NALF1: variants seen among roughly 807,000 people sequenced by gnomAD.
NALF1 encodes family with sequence similarity 155 member A.
Under a neutral mutation model 48.4 loss-of-function variants are expected in NALF1, and 3 were observed. The observed-to-expected ratio is 0.06, with a 90% CI of 0.03 to 0.16. The LOEUF (loss-of-function observed/expected upper bound fraction) is 0.16, where lower values mean the gene tolerates loss of function less well. Ranked by LOEUF, NALF1 falls within the 10% of genes least tolerant of loss-of-function variation. NALF1 has a pLI of 1.00. For synonymous variants in NALF1, 262 were observed against 245.7 expected (o/e 1.07, Z -0.62); for missense variants, 526 against 571.5 (o/e 0.92, Z 0.81).
intron 1 of NALF1, among the ~76,000 whole-genome samples, chr13:107,530,479 T>C (rs1188017855): frequency 3.9e-5 from 6 of 152,092 alleles, no homozygotes; most frequent in African/African-American, 1.4e-4. Context: ...AAGCAAAATC[T>C]AAGACATTCC....
At chr13:107,623,737 G>C (rs1879594339) in intron 1 of NALF1, among the ~76,000 whole-genome samples, 2 of 152,136 alleles carry the variant, frequency 1.3e-5, no homozygotes, top group Admixed American at 1.3e-4. Context: ...AAAATGGTCA[G>C]TTCATGTATA....
At chr13:107,778,411 G>A (rs549385664) in intron 1 of NALF1, among the ~76,000 whole-genome samples, 95 of 152,242 alleles carry the variant, frequency 6.2e-4, no homozygotes, top group African/African-American at 2.2e-3. Flanking sequence ...TAAAGCAACT[G>A]GGAATATTGA....
intron 1 of NALF1, among the ~76,000 whole-genome samples, chr13:107,601,316 A>G (rs1878919530): frequency 6.6e-6 from 1 of 152,140 alleles, no homozygotes; most frequent in Non-Finnish European, 1.5e-5. Context: ...TTAAACGCAA[A>G]TTTGGGAACT....
intron 1 of NALF1, among the ~76,000 whole-genome samples, chr13:107,767,418 C>A (rs1014690712): frequency 6.6e-6 from 1 of 152,162 alleles, no homozygotes. Flanking sequence ...GTTGCAGTAA[C>A]TGGTTATTCA....
intron 1 of NALF1, among the ~76,000 whole-genome samples, chr13:107,838,975 T>A (rs2138633472): frequency 6.6e-6 from 1 of 152,238 alleles, no homozygotes; most frequent in Admixed American, 6.5e-5. Flanking sequence ...TGCTTCCCCC[T>A]CACCTGCAGG....
intron 1 of NALF1, among the ~76,000 whole-genome samples, chr13:107,650,745 T>G (rs1490227701): frequency 1.3e-5 from 2 of 151,864 alleles, no homozygotes; most frequent in Non-Finnish European, 2.9e-5. Flanking sequence ...AAATAAAAAA[T>G]AAAGAAAGAG....
intron 1 of NALF1, among the ~76,000 whole-genome samples, chr13:107,444,523 A>C (rs1268606805): frequency 1.3e-5 from 2 of 152,186 alleles, no homozygotes; most frequent in Non-Finnish European, 2.9e-5. Context: ...AATGCAAAAA[A>C]TCTGTTAATA....
chr13:107,292,076 C>A (rs1881631595), intron 1 of NALF1, among the ~76,000 whole-genome samples: 1 of 152,204 alleles, frequency 6.6e-6, no homozygotes, highest in Non-Finnish European at 1.5e-5. Flanking sequence ...AGTATGTGAT[C>A]CCTACTACAT....
chr13:107,851,356 C>T (rs7336376), intron 1 of NALF1, among the ~76,000 whole-genome samples: 40,132 of 141,450 alleles, frequency 0.28, 5,420 homozygotes, highest in East Asian at 0.49. Context: ...TTTTTTTTTT[C>T]TTTAAGTGGC....
At chr13:107,206,690 T>G (rs1278163596) in intron 2 of NALF1, among the ~76,000 whole-genome samples, 4 of 152,190 alleles carry the variant, frequency 2.6e-5, no homozygotes, top group Non-Finnish European at 4.4e-5. Flanking sequence ...ACTTGAGATC[T>G]CTAAGATTCT....
At chr13:107,189,376 G>A (rs943851713) in intron 2 of NALF1, among the ~76,000 whole-genome samples, 4 of 151,936 alleles carry the variant, frequency 2.6e-5, no homozygotes, top group African/African-American at 7.3e-5. Flanking sequence ...AAACAGAGAA[G>A]AAAAAAATGG....
intron 1 of NALF1, among the ~76,000 whole-genome samples, chr13:107,357,453 C>A (rs1034371044): frequency 3.3e-5 from 5 of 152,054 alleles, no homozygotes; most frequent in Admixed American, 6.6e-5. Flanking sequence ...TGGGTGGGGA[C>A]ACAGAGCCAA....
intron 1 of NALF1, among the ~76,000 whole-genome samples, chr13:107,539,419 A>T (rs1025117672): frequency 4.0e-5 from 6 of 150,024 alleles, no homozygotes; most frequent in Non-Finnish European, 7.3e-5. Flanking sequence ...TTGTGAGTCA[A>T]TCACCTCTTA....
chr13:107,230,238 C>T (rs917693303), intron 1 of NALF1, among the ~76,000 whole-genome samples: 3 of 152,160 alleles, frequency 2.0e-5, no homozygotes, highest in African/African-American at 7.2e-5. Flanking sequence ...ATGGCAATTT[C>T]ATATGGTTTA....
intron 1 of NALF1, among the ~76,000 whole-genome samples, chr13:107,841,558 AG>A (rs1474829204): frequency 6.6e-6 from 1 of 152,116 alleles, no homozygotes; most frequent in Non-Finnish European, 1.5e-5. Flanking sequence ...TAGTAGGTCT[AG>A]GTTCTTCCCA....
At chr13:107,384,172 G>A (rs1883486953) in intron 1 of NALF1, among the ~76,000 whole-genome samples, 1 of 152,144 alleles carries the variant, frequency 6.6e-6, no homozygotes, top group Non-Finnish European at 1.5e-5. Context: ...AGGATCACTT[G>A]AGCCCAGGAG....
intron 1 of NALF1, among the ~76,000 whole-genome samples, chr13:107,411,470 C>T (rs541254198): frequency 6.6e-6 from 1 of 151,994 alleles, no homozygotes; most frequent in African/African-American, 2.4e-5. Context: ...AGCTTCCCAG[C>T]TGAAATGTGC....
intron 1 of NALF1, among the ~76,000 whole-genome samples, chr13:107,371,401 G>A (rs925005095): frequency 2.0e-5 from 3 of 152,072 alleles, no homozygotes; most frequent in African/African-American, 7.2e-5. Flanking sequence ...GACTGTGACT[G>A]CAACACTGCA....
intron 2 of NALF1, among the ~76,000 whole-genome samples, chr13:107,202,342 A>G (rs911070936): frequency 4.0e-5 from 6 of 149,786 alleles, no homozygotes; most frequent in African/African-American, 1.5e-4. Context: ...TGAATGATGT[A>G]TAAATTATAT....
Sources: gnomAD v4.1 joint callset for allele counts (sites outside exome capture counted in the v4.1 genomes callset) on GRCh38, gnomAD v4.1.1 for gene constraint, MANE v1.5 for transcripts, NCBI Gene and HGNC (gene_info 2026-07-23, HGNC 2026-07-21) for gene names.